EPHA6: variants seen among roughly 807,000 people sequenced by gnomAD.
The protein encoded by EPHA6 is EPH receptor A6, also known as ephrin type-A receptor 6.
In EPHA6, 50 loss-of-function variants were observed where a neutral mutation model predicts 112.0. The observed-to-expected ratio is 0.45, with a 90% CI of 0.36 to 0.56. The LOEUF (loss-of-function observed/expected upper bound fraction) is 0.56, where lower values mean the gene tolerates loss of function less well. Ranked by LOEUF, EPHA6 falls within the 20% of genes least tolerant of loss-of-function variation. The pLI is 0.00. For missense variants in EPHA6, 1,280 were observed against 1,417.4 expected (o/e 0.90, Z 1.56); for synonymous variants, 529 against 490.7 (o/e 1.08, Z -1.03).
intron 3 of EPHA6, among the ~76,000 whole-genome samples, chr3:97,149,848 T>C (rs2076130831): frequency 6.7e-6 from 1 of 149,414 alleles, no homozygotes; most frequent in Non-Finnish European, 1.5e-5. Flanking sequence ...TAATGTATTA[T>C]AATACATATA....
Position 96,987,474 on chromosome 3 carries a change from A to G in EPHA6, c.595A>G (p.Lys199Glu). 1 of 1,613,966 alleles carries G rather than the reference A, an allele frequency of 6.2e-7. No individual in the cohort carries two copies. The highest frequency in any genetic ancestry group is 8.5e-7 in the Non-Finnish European group (1 of 1,179,880). Reference protein sequence around the residue: ...DAAQKIYVEMKFTLRDCNSIP... With the variant: ...DAAQKIYVEMEFTLRDCNSIP... Reference sequence around the variant, plus strand: ...AGCTCAGAAAATTTATGTGGAAATGAAATTCACACTAAGGGATTGTAACAG... The same window carrying G: ...AGCTCAGAAAATTTATGTGGAAATGGAATTCACACTAAGGGATTGTAACAG... Residue 199 changes from lysine (K) to glutamate (E), a missense_variant, in exon 3 of 18, where the codon AAA (lysine) becomes GAA (glutamate). Lys to Glu is a moderately conservative substitution (Grantham distance 56). Coordinates refer to ENST00000389672, the MANE Select transcript of EPHA6 (RefSeq NM_001080448.3).
At chr3:97,429,397 TA>T (rs199648288) in intron 6 of EPHA6, among the ~76,000 whole-genome samples, 2,948 of 152,254 alleles carry the variant, frequency 0.019, 97 homozygotes, top group African/African-American at 0.066. Context: ...TTTTACCAAA[TA>T]ATCTTACCAT....
intron 3 of EPHA6, among the ~76,000 whole-genome samples, chr3:97,140,443 A>T (rs754760688): frequency 1.3e-5 from 2 of 152,156 alleles, no homozygotes; most frequent in Non-Finnish European, 2.9e-5. Flanking sequence ...GAGAAGCATC[A>T]AATCACCTAT....
At chr3:97,549,112 A>G (rs1350193201) in intron 11 of EPHA6, among the ~76,000 whole-genome samples, 1 of 152,216 alleles carries the variant, frequency 6.6e-6, no homozygotes, top group East Asian at 1.9e-4. Flanking sequence ...TGGTTTGTGT[A>G]TTAGCTAACT....
chr3:96,981,025 A>T (rs1420068121), intron 2 of EPHA6, among the ~76,000 whole-genome samples: 1 of 152,114 alleles, frequency 6.6e-6, no homozygotes, highest in Non-Finnish European at 1.5e-5. Flanking sequence ...CTCTTTTCCT[A>T]ATTGAATACC....
At chr3:96,985,348 T>C (rs762738197) in intron 2 of EPHA6, among the ~76,000 whole-genome samples, 72 of 152,330 alleles carry the variant, frequency 4.7e-4, no homozygotes, top group Admixed American at 1.9e-3. Flanking sequence ...TACTTTAGAT[T>C]CTTTCCTATG....
At chr3:97,557,846 G>A (rs1356923092) in intron 11 of EPHA6, among the ~76,000 whole-genome samples, 1 of 151,356 alleles carries the variant, frequency 6.6e-6, no homozygotes, top group Non-Finnish European at 1.5e-5. Context: ...TCTTTAGGAT[G>A]TTTTCCTTTT....
intron 10 of EPHA6, among the ~76,000 whole-genome samples, chr3:97,527,152 T>C (rs988737756): frequency 2.6e-5 from 4 of 152,174 alleles, no homozygotes; most frequent in Non-Finnish European, 4.4e-5. Flanking sequence ...GAAGCACTAA[T>C]GTGCATGATT....
chr3:97,282,232 G>A (rs1410789703), intron 5 of EPHA6, among the ~76,000 whole-genome samples: 1 of 152,112 alleles, frequency 6.6e-6, no homozygotes, highest in African/African-American at 2.4e-5. Flanking sequence ...AAATGTAAAT[G>A]TTTTTACATT....
rs1036954982 is a variant in EPHA6 at position 97,758,066 on chromosome 3, G to T, written c.*9365G>T. ...ACTGGATGTTATAAATTCAAAAAAA[G>T]AACATATATTTTTTATAGTTACTTC... On this transcript the variant is annotated 3_prime_UTR_variant, in exon 18 of 18. Coordinates refer to ENST00000389672, the MANE Select transcript of EPHA6 (RefSeq NM_001080448.3). Among the ~76,000 whole-genome samples, 3 of 151,814 alleles carry T rather than the reference G, an allele frequency of 2.0e-5. No individual in the cohort carries two copies. The highest frequency in any genetic ancestry group is 4.4e-5 in the Non-Finnish European group (3 of 67,780).
intron 3 of EPHA6, among the ~76,000 whole-genome samples, chr3:97,027,545 G>C (rs1053218317): frequency 1.3e-5 from 2 of 152,150 alleles, no homozygotes; most frequent in Non-Finnish European, 2.9e-5. Flanking sequence ...AGAATGTGTT[G>C]ATTCTTCTTG....
chr3:97,546,689 C>G (rs567470828), intron 11 of EPHA6, among the ~76,000 whole-genome samples: 2 of 152,350 alleles, frequency 1.3e-5, no homozygotes, highest in Admixed American at 1.3e-4. Context: ...CTCCCCATCA[C>G]TTTCAGGTAC....
At chr3:97,340,682 G>A (rs2083262299) in intron 5 of EPHA6, among the ~76,000 whole-genome samples, 1 of 152,096 alleles carries the variant, frequency 6.6e-6, no homozygotes, top group East Asian at 1.9e-4. Context: ...CAGCAAATTT[G>A]GTTTCTGTTA....
At chr3:97,113,138 C>T (rs543374136) in intron 3 of EPHA6, among the ~76,000 whole-genome samples, 21 of 152,122 alleles carry the variant, frequency 1.4e-4, no homozygotes, top group Non-Finnish European at 1.9e-4. Context: ...ATCATTTCCC[C>T]GACTGGTCAT....
At chr3:97,599,186 G>A (rs1029236610) in intron 12 of EPHA6, among the ~76,000 whole-genome samples, 1 of 150,844 alleles carries the variant, frequency 6.6e-6, no homozygotes, top group Non-Finnish European at 1.5e-5. Context: ...AGACGAGTAG[G>A]TTGCGAAAAT....
chr3:97,563,115 C>T (rs533345401), intron 11 of EPHA6, among the ~76,000 whole-genome samples: 1 of 152,192 alleles, frequency 6.6e-6, no homozygotes, highest in South Asian at 2.1e-4. Flanking sequence ...TGAAACCAAA[C>T]CCACAGTATC....
intron 11 of EPHA6, among the ~76,000 whole-genome samples, chr3:97,579,267 C>G (rs1454511279): frequency 6.6e-6 from 1 of 152,036 alleles, no homozygotes; most frequent in Non-Finnish European, 1.5e-5. Context: ...AAGTTTAAAC[C>G]GTTCTTTCAA....
chr3:97,006,644 T>A (rs1284888665), intron 3 of EPHA6, among the ~76,000 whole-genome samples: 1 of 152,022 alleles, frequency 6.6e-6, no homozygotes, highest in African/African-American at 2.4e-5. Flanking sequence ...TTGTCTTCTG[T>A]TAGCCTTTGG....
chr3:97,477,924 T>C (rs1049407127), intron 8 of EPHA6, among the ~76,000 whole-genome samples: 4 of 152,006 alleles, frequency 2.6e-5, no homozygotes, highest in Admixed American at 2.0e-4. Flanking sequence ...AAAAAATAGG[T>C]ATGATGGTTG....
Sources: gnomAD v4.1 joint callset for allele counts (sites outside exome capture counted in the v4.1 genomes callset) on GRCh38, gnomAD v4.1.1 for gene constraint, MANE v1.5 for transcripts, NCBI Gene and HGNC (gene_info 2026-07-23, HGNC 2026-07-21) for gene names.